GALNTL6: variants seen among roughly 807,000 people sequenced by gnomAD.
GALNTL6 encodes polypeptide N-acetylgalactosaminyltransferase-like 6.
A neutral mutation model predicts 73.7 loss-of-function variants in GALNTL6; 46 were observed. The observed-to-expected ratio is 0.62, with a 90% confidence interval of 0.49 to 0.80. The LOEUF is 0.80. Ranked by LOEUF, GALNTL6 falls within the 30% of genes least tolerant of loss-of-function variation. The pLI, the probability that GALNTL6 is intolerant of heterozygous loss-of-function variation, is 0.00. For missense variants in GALNTL6, 604 were observed against 755.0 expected, an observed-to-expected ratio of 0.80 and a Z score of 2.34; for synonymous variants, 259 against 263.7, an observed-to-expected ratio of 0.98 and a Z score of 0.17.
chr4:172,330,308 G>T (rs1016963249), intron 4 of GALNTL6, among the ~76,000 whole-genome samples: 4 of 152,122 alleles, frequency 2.6e-5, no homozygotes, highest in African/African-American at 9.7e-5. Flanking sequence ...GATTCATGAG[G>T]GGATCTCCTG....
At chr4:171,943,348 A>G (rs1340696985) in intron 2 of GALNTL6, among the ~76,000 whole-genome samples, 2 of 152,172 alleles carry the variant, frequency 1.3e-5, no homozygotes, top group Non-Finnish European at 2.9e-5. Flanking sequence ...CTATACCAGA[A>G]ATAGAAGTCA....
intron 5 of GALNTL6, among the ~76,000 whole-genome samples, chr4:172,553,895 A>G (rs926294461): frequency 1.3e-5 from 2 of 152,042 alleles, no homozygotes; most frequent in African/African-American, 4.8e-5. Flanking sequence ...CATCTCTACA[A>G]AAAAATTAGC....
intron 2 of GALNTL6, among the ~76,000 whole-genome samples, chr4:171,982,507 C>T (rs1739933330): frequency 1.3e-5 from 2 of 152,122 alleles, no homozygotes; most frequent in Non-Finnish European, 2.9e-5. Flanking sequence ...ACTGTCTTAG[C>T]CAGGATGGTC....
At chr4:171,949,903 G>A (rs1371802406) in intron 2 of GALNTL6, among the ~76,000 whole-genome samples, 1 of 152,128 alleles carries the variant, frequency 6.6e-6, no homozygotes, top group Non-Finnish European at 1.5e-5. Flanking sequence ...TTAAAAAGGA[G>A]GTTTGGGCGG....
chr4:172,619,952 C>G (rs1005607004), intron 5 of GALNTL6, among the ~76,000 whole-genome samples: 1 of 152,162 alleles, frequency 6.6e-6, no homozygotes, highest in South Asian at 2.1e-4. Context: ...TTATTACTTT[C>G]CAAGAGGCAT....
At chr4:172,238,170 G>C (rs1198932178) in intron 3 of GALNTL6, among the ~76,000 whole-genome samples, 4 of 152,098 alleles carry the variant, frequency 2.6e-5, no homozygotes, top group Non-Finnish European at 4.4e-5. Context: ...AAATAGCATT[G>C]AATCTGTAAA....
intron 5 of GALNTL6, among the ~76,000 whole-genome samples, chr4:172,650,257 TA>T (rs959158188): frequency 5.9e-5 from 9 of 152,178 alleles, no homozygotes; most frequent in Admixed American, 3.9e-4. Context: ...ACTGTGTTTT[TA>T]AAAAGAACAG....
At position 171,814,572 on chromosome 4, in the gene GALNTL6, C is replaced by T. The variant is rs1309260480; in HGVS notation, c.-9C>T. On this transcript the variant is annotated 5_prime_UTR_variant, in exon 2 of 13. Coordinates refer to ENST00000506823, the MANE Select transcript of GALNTL6 (RefSeq NM_001034845.3). ...CTCCTTTAACTTTTCTTCTCTGTTA[C>T]CATTTGCAATGAAGAGGAAACAGAA... 1 of 1,613,684 alleles carries T rather than the reference C, an allele frequency of 6.2e-7. No individual in the cohort carries two copies. Among genetic ancestry groups the T allele is most frequent in the African/African-American group, 1.3e-5 (1 of 74,828 alleles).
At chr4:172,434,411 C>T (rs1731563997) in intron 5 of GALNTL6, among the ~76,000 whole-genome samples, 1 of 152,016 alleles carries the variant, frequency 6.6e-6, no homozygotes, top group Admixed American at 6.6e-5. Context: ...TATATTTATG[C>T]TGTAATTAAA....
intron 5 of GALNTL6, among the ~76,000 whole-genome samples, chr4:172,770,777 T>G (rs1429777551): frequency 2.0e-5 from 3 of 152,192 alleles, no homozygotes; most frequent in Non-Finnish European, 4.4e-5. Flanking sequence ...TAAAGTAAGC[T>G]AAGTAAAACT....
intron 2 of GALNTL6, among the ~76,000 whole-genome samples, chr4:171,909,170 A>T (rs1329544766): frequency 1.4e-4 from 19 of 133,826 alleles, no homozygotes; most frequent in Admixed American, 6.6e-4. Flanking sequence ...AAATAAAAAG[A>T]AAAAAGAAAA....
intron 2 of GALNTL6, among the ~76,000 whole-genome samples, chr4:172,188,523 G>A (rs531423192): frequency 3.9e-5 from 6 of 152,308 alleles, no homozygotes; most frequent in African/African-American, 1.2e-4. Context: ...GGTGAAATGA[G>A]GAGAGAGTCA....
chr4:172,440,807 T>C (rs1561084305), intron 5 of GALNTL6, among the ~76,000 whole-genome samples: 1 of 152,064 alleles, frequency 6.6e-6, no homozygotes, highest in East Asian at 1.9e-4. Flanking sequence ...TTAAAAATTG[T>C]TATGGATTTC....
At chr4:172,662,236 A>G (rs1320560450) in intron 5 of GALNTL6, among the ~76,000 whole-genome samples, 2 of 152,218 alleles carry the variant, frequency 1.3e-5, no homozygotes, top group South Asian at 2.1e-4. Flanking sequence ...CTGCATGTTT[A>G]CTGCTGGGCT....
Position 172,129,798 on chromosome 4 carries a change from CA to C in GALNTL6, c.139-99855del, listed in dbSNP as rs1273706862. On this transcript the variant is annotated intron_variant, in intron 2 of 12. Coordinates refer to ENST00000506823, the MANE Select transcript of GALNTL6 (RefSeq NM_001034845.3). ...CAAATAAAGTAAAAAAAGAACTTGCCAAAGTAAGAGTCCTAGAATCCAAGAG... is the reference window on the plus strand; with the variant it reads ...CAAATAAAGTAAAAAAAGAACTTGCCAAGTAAGAGTCCTAGAATCCAAGAG... Among the ~76,000 whole-genome samples the C allele has an allele frequency of 2.0e-5, 3 of 152,158 alleles. No individual in the cohort carries two copies. In the East Asian group the frequency reaches 5.8e-4, roughly 29 times the overall value.
chr4:172,232,540 G>T (rs1560981729), intron 3 of GALNTL6, among the ~76,000 whole-genome samples: 1 of 151,688 alleles, frequency 6.6e-6, no homozygotes, highest in Non-Finnish European at 1.5e-5. Context: ...CAATATTAAG[G>T]TACATATTTA....
intron 7 of GALNTL6, among the ~76,000 whole-genome samples, chr4:172,845,508 AC>A (rs1743462885): frequency 6.6e-6 from 1 of 152,140 alleles, no homozygotes; most frequent in Admixed American, 6.5e-5. Context: ...AGACAAAGTT[AC>A]CCTTCCTGAT....
At chr4:172,496,688 ATAAT>A (rs1220578925) in intron 5 of GALNTL6, among the ~76,000 whole-genome samples, 1 of 152,198 alleles carries the variant, frequency 6.6e-6, no homozygotes, top group Non-Finnish European at 1.5e-5. Context: ...ATCTCAAAAA[ATAAT>A]TAATTAGTTG....
intron 5 of GALNTL6, among the ~76,000 whole-genome samples, chr4:172,747,071 T>G (rs1197880777): frequency 6.6e-6 from 1 of 151,994 alleles, no homozygotes; most frequent in East Asian, 1.9e-4. Flanking sequence ...AAGAAAAAAG[T>G]CCACTTACAA....
Sources: gnomAD v4.1 joint callset for allele counts (sites outside exome capture counted in the v4.1 genomes callset) on GRCh38, gnomAD v4.1.1 for gene constraint, MANE v1.5 for transcripts, NCBI Gene and HGNC (gene_info 2026-07-23, HGNC 2026-07-21) for gene names.